Variants in CPA1 observed in about 807,000 individuals in gnomAD.
The protein encoded by CPA1 is carboxypeptidase A1 (pancreatic).
CPA1 carries 42 observed loss-of-function variants against 48.7 expected under a neutral mutation model. That is an observed-to-expected ratio of 0.86 (90% CI 0.67 to 1.11). CPA1 has a LOEUF of 1.11. Ranked by LOEUF, CPA1 falls within the 50% of genes most tolerant of loss-of-function variation. The pLI is 0.00. For missense variants in CPA1, 477 were observed against 544.7 expected, an observed-to-expected ratio of 0.88 and a Z score of 1.24; for synonymous variants, 203 against 217.9, an observed-to-expected ratio of 0.93 and a Z score of 0.60.
rs139667336 is a variant in CPA1 at position 130,382,137 on chromosome 7, G to A, written c.411G>A (p.Ala137=). ...EIYDFLDLLV[A]ENPHLVSKIQ... The stretch of plus-strand genomic sequence containing the variant: ...ATGACTTCCTGGACCTGCTGGTGGC[G>A]GAGAACCCGCACCTTGTCAGCAAGA... Residue 137 remains alanine, a synonymous_variant, in exon 4 of 10, where the codon GCG becomes GCA. Transcript: ENST00000011292. The A allele has an allele frequency of 2.2e-5, 35 of 1,614,202 alleles. No individual in the cohort carries two copies. Among genetic ancestry groups the A allele is most frequent in the Admixed American group, 6.7e-5 (4 of 60,030 alleles).
At position 130,383,500 on chromosome 7, in the gene CPA1, C is replaced by G. The variant is rs782745402; in HGVS notation, c.585+8C>G. ...GTCTGGTTTGCAAAGAAGGTAAGGCCGGGGAGGTGAGGAGGGCTCTCACCT... is the reference window on the plus strand; with the variant it reads ...GTCTGGTTTGCAAAGAAGGTAAGGCGGGGGAGGTGAGGAGGGCTCTCACCT... On this transcript the variant is annotated splice_region_variant and intron_variant, in intron 5 of 9. Coordinates refer to ENST00000011292, the MANE Select transcript of CPA1 (RefSeq NM_001868.4). The G allele has an allele frequency of 6.2e-7, 1 of 1,611,336 alleles. No individual in the cohort carries two copies.
In CPA1 at chr7:130,380,525, G is replaced by A. The variant is rs145988366; in HGVS notation, c.5G>A (p.Arg2Gln). The A allele has an allele frequency of 5.0e-4, 654 of 1,314,804 alleles. No individual in the cohort carries two copies. The highest frequency in any genetic ancestry group is 6.0e-4 in the Non-Finnish European group (617 of 1,023,608). 81.4% of individuals were successfully genotyped at this position (1,314,804 alleles called of 1,614,324 possible). The change falls in exon 1 of 10, where the codon CGG becomes CAG. Residue 2 changes from arginine (R) to glutamine (Q), a missense_variant. Arg to Gln is a conservative substitution (Grantham distance 43). Transcript: ENST00000011292. The part of the protein sequence containing the change: M[R>Q]GLLVLSVLLG... ...ACCTTCCCTCCCGGCAGCAGCATGC[G>A]GGGGTTGCTGGTGTTGAGTGTCCTG...
chr7:130,385,806 A>G, intron 8 of CPA1, 33 bp from the exon 9 acceptor site: 1 of 1,590,100 alleles, frequency 6.3e-7, no homozygotes, highest in Non-Finnish European at 8.6e-7. Flanking sequence ...GAGCCTGGCC[A>G]TGACAGGTGG....
intron 8 of CPA1, 27 bp from the exon 9 acceptor site, chr7:130,385,812 G>A (rs781799934): frequency 1.2e-6 from 2 of 1,601,530 alleles, no homozygotes. Flanking sequence ...GGCCATGACA[G>A]GTGGCTTTGC....
chr7:130,381,321 C>A, intron 2 of CPA1, 142 bp downstream of exon 2: 1 of 650,824 alleles, frequency 1.5e-6, no homozygotes, highest in Non-Finnish European at 2.7e-6. Context: ...CGACTTCAAG[C>A]CCCCAGCTCC....
In CPA1 at chr7:130,381,948, C is replaced by G. The variant is rs1219290253; in HGVS notation, c.381+85C>G. ...AACGCGGTAGGGCCAAGGCCAGGGC[C>G]AGCCTGGGTGTGCGCAGCGCCTGCT... On this transcript the variant is annotated intron_variant, in intron 3 of 9. Transcript: ENST00000011292. 2.2e-6 allele frequency: 3 copies of G among 1,348,604 alleles called. No homozygotes were observed. The East Asian group carries it at 7.2e-5, about 32-fold the overall frequency. 83.5% of individuals were successfully genotyped at this position (1,348,604 alleles called of 1,614,324 possible).
intron 7 of CPA1, 146 bp downstream of exon 7, chr7:130,384,772 G>C: frequency 1.5e-6 from 1 of 679,410 alleles, no homozygotes; most frequent in Non-Finnish European, 2.5e-6. Context: ...CTTGGGGATG[G>C]AGGCTGTGCT....
intron 4 of CPA1, among the ~76,000 whole-genome samples, chr7:130,382,494 C>T (rs1192744492): frequency 7.9e-5 from 12 of 152,128 alleles, no homozygotes; most frequent in Admixed American, 2.6e-4. Flanking sequence ...GACAGAGTCT[C>T]GCTCTGTCAC....
intron 6 of CPA1, chr7:130,384,314 C>T: frequency 1.7e-6 from 1 of 586,442 alleles, no homozygotes; most frequent in Non-Finnish European, 3.0e-6. Flanking sequence ...GATGCCCCCT[C>T]TGCTGATCTT....
intron 4 of CPA1, among the ~76,000 whole-genome samples, chr7:130,382,533 G>A (rs1796419653): frequency 6.6e-6 from 1 of 152,036 alleles, no homozygotes; most frequent in South Asian, 2.1e-4. Context: ...GCATGATCTC[G>A]GCTTACTGCA....
intron 9 of CPA1, among the ~76,000 whole-genome samples, chr7:130,386,454 C>T (rs545428935): frequency 2.6e-5 from 4 of 152,118 alleles, no homozygotes; most frequent in East Asian, 1.9e-4. Flanking sequence ...ATCGCTTGAA[C>T]CCGGGAGGTG....
intron 4 of CPA1, among the ~76,000 whole-genome samples, chr7:130,383,028 G>A (rs1407833951): frequency 1.3e-5 from 2 of 152,152 alleles, no homozygotes; most frequent in Non-Finnish European, 2.9e-5. Flanking sequence ...TGATCTACCC[G>A]CCTCAGCCTC....
In CPA1 at chr7:130,387,675, C is replaced by A; in HGVS notation, c.1073-149C>A. The A allele has an allele frequency of 1.4e-6, 1 of 731,536 alleles. No individual in the cohort carries two copies. The highest frequency in any genetic ancestry group is 2.3e-6 in the Non-Finnish European group (1 of 435,302). The allele number at this position is 731,536 out of a possible 1,614,324, so 45.3% of individuals were successfully genotyped here. On this transcript the variant is annotated intron_variant, in intron 9 of 9. Coordinates refer to ENST00000011292, the MANE Select transcript of CPA1 (RefSeq NM_001868.4). This position sits in a 1 kb window ranked among gnomAD's most constrained non-coding sequence, Gnocchi z 4.6. ...TGGGAGTTTCTTGGAAGTGAGGCTG[C>A]TTGGTCAACAGCAGACCTTAGTAGA...
chr7:130,383,239 C>CTCAGGGG, intron 4 of CPA1, 152 bp from the exon 5 acceptor site: 1 of 713,158 alleles, frequency 1.4e-6, no homozygotes, highest in Admixed American at 2.0e-5. Flanking sequence ...CAGCCCCAAA[C>CTCAGGGG]CCACCTGAGT....
chr7:130,383,872 T>C, intron 6 of CPA1, 78 bp downstream of exon 6: 1 of 1,072,960 alleles, frequency 9.3e-7, no homozygotes, highest in Non-Finnish European at 1.5e-6. Context: ...TCACCCCTAA[T>C]CTCAAGCCCC....
At chr7:130,381,955 G>C (rs555082859) in intron 3 of CPA1, 92 bp downstream of exon 3, 16 of 1,276,812 alleles carry the variant, frequency 1.3e-5, no homozygotes, top group Admixed American at 2.0e-5. Flanking sequence ...GGCCAGCCTG[G>C]GTGTGCGCAG....
chr7:130,382,314 GT>G, intron 4 of CPA1, 105 bp downstream of exon 4: 1 of 842,938 alleles, frequency 1.2e-6, no homozygotes, highest in South Asian at 1.5e-5. Flanking sequence ...GGAACACGCT[GT>G]TAAATGGACT....
rs77792157 is a variant in CPA1, at chr7:130,385,872, G to A, written c.1021G>A (p.Ala341Thr). The A allele has an allele frequency of 7.5e-4, 1,208 of 1,614,112 alleles. 29 individuals carry two copies. The East Asian group carries it at 0.026, about 35-fold the overall frequency. ...TTCCAAGGCTGCTGTGACAGCCCTG[G>A]CCTCTCTCTACGGGACCAAGTTCAA... is the stretch of plus-strand genomic sequence containing the variant. ...QLSKAAVTAL[A>T]SLYGTKFNYG... Residue 341 changes from alanine to threonine, a missense_variant, in exon 9 of 10, where the codon GCC becomes ACC. Physicochemically the swap from Ala to Thr is moderately conservative, Grantham distance 58. Transcript: ENST00000011292.
rs781858072 is a variant in CPA1, at chr7:130,383,398, CG to C, written c.497del (p.Gly166AlafsTer125). On this transcript the variant is annotated frameshift_variant, in exon 5 of 10. Transcript: ENST00000011292. LOFTEE classifies it high-confidence loss of function. ...CCCCTGCCTCCTCTCCAGTTCAGCA[CG>C]GGGGGCAGTAAGCGTCCAGCCATCT... ...GRPIYVLKFS[T>X]GGSKRPAIWI... is the part of the protein sequence containing the mutation. 1 of 1,613,856 alleles carries C rather than the reference CG, an allele frequency of 6.2e-7. No individual in the cohort carries two copies. The highest frequency in any genetic ancestry group is 1.3e-5 in the African/African-American group (1 of 75,050).
Sources: gnomAD v4.1 joint callset for allele counts (sites outside exome capture counted in the v4.1 genomes callset) on GRCh38, gnomAD v4.1.1 for gene constraint, Gnocchi (gnomAD v3.1) non-coding constraint, MANE v1.5 for transcripts, NCBI Gene and HGNC (gene_info 2026-07-23, HGNC 2026-07-21) for gene names.